The following EEIG2 variants were observed in gnomAD, a reference collection of about 807,000 sequenced individuals.
EEIG2 encodes family with sequence similarity 102 member B.
At chr1:108,601,077 G>A in the EEIG2 span, among the ~76,000 whole-genome samples, 1 of 152,028 alleles carries the variant, frequency 6.6e-6, no homozygotes, top group Admixed American at 6.6e-5. Flanking sequence ...AGGAAAACCA[G>A]GGCTCAGAGA....
the EEIG2 span, among the ~76,000 whole-genome samples, chr1:108,564,675 CT>C: frequency 6.6e-6 from 1 of 152,146 alleles, no homozygotes; most frequent in Non-Finnish European, 1.5e-5. Context: ...GGCATAGTGG[CT>C]CATGCCTGTA....
At chr1:108,614,718 TCTC>T in the EEIG2 span, among the ~76,000 whole-genome samples, 6 of 152,122 alleles carry the variant, frequency 3.9e-5, no homozygotes, top group African/African-American at 1.2e-4. Context: ...TATCCCCTCT[TCTC>T]ATCATCTCTA....
At chr1:108,615,611 C>CAA in the EEIG2 span, among the ~76,000 whole-genome samples, 16 of 144,176 alleles carry the variant, frequency 1.1e-4, no homozygotes, top group African/African-American at 7.6e-5. Context: ...CTCATTTCTG[C>CAA]AAAAAAAAAA....
the EEIG2 span, among the ~76,000 whole-genome samples, chr1:108,613,465 C>T: frequency 6.6e-6 from 1 of 152,160 alleles, no homozygotes; most frequent in Admixed American, 6.5e-5. Flanking sequence ...GATAATTCTT[C>T]TCAGAATGAC....
the EEIG2 span, among the ~76,000 whole-genome samples, chr1:108,585,479 C>A: frequency 6.6e-6 from 1 of 152,086 alleles, no homozygotes; most frequent in East Asian, 1.9e-4. Context: ...AACATGAAAT[C>A]TGTTTACACT....
chr1:108,632,111 CAAAAAAAAAAAAA>C, the EEIG2 span, among the ~76,000 whole-genome samples: 1 of 65,390 alleles, frequency 1.5e-5, no homozygotes, highest in East Asian at 4.8e-4. Flanking sequence ...GAGACTGTCT[CAAAAAAAAAAAAA>C]AAAAAAAAAA....
chr1:108,587,094 T>G, the EEIG2 span, among the ~76,000 whole-genome samples: 1 of 152,186 alleles, frequency 6.6e-6, no homozygotes, highest in Admixed American at 6.6e-5. Context: ...GAGTTATCTT[T>G]CTTTCTCCTT....
the EEIG2 span, among the ~76,000 whole-genome samples, chr1:108,566,205 G>C: frequency 6.6e-6 from 1 of 151,898 alleles, no homozygotes; most frequent in Non-Finnish European, 1.5e-5. Context: ...CTTTTGAAAG[G>C]CTTTCTCCTT....
At chr1:108,560,367 C>T in the EEIG2 span, 4 of 1,428,008 alleles carry the variant, frequency 2.8e-6, no homozygotes, top group Admixed American at 2.3e-5. Context: ...ATCCGGGGCT[C>T]GGCCAAGCTG....
At chr1:108,579,407 G>A in the EEIG2 span, among the ~76,000 whole-genome samples, 14 of 145,742 alleles carry the variant, frequency 9.6e-5, no homozygotes, top group African/African-American at 3.6e-4. Context: ...AAATATATAT[G>A]CACCCAATAC....
At chr1:108,626,687 T>G in the EEIG2 span, 1 of 152,228 alleles carries the variant, frequency 6.6e-6, no homozygotes, top group Non-Finnish European at 1.5e-5. Flanking sequence ...ACTGTTTTCT[T>G]CTTTAAACTC....
At chr1:108,632,899 A>C in the EEIG2 span, among the ~76,000 whole-genome samples, 2 of 151,028 alleles carry the variant, frequency 1.3e-5, no homozygotes, top group Non-Finnish European at 2.9e-5. Context: ...CCCCGGGCTC[A>C]GCCTGCTGAG....
the EEIG2 span, among the ~76,000 whole-genome samples, chr1:108,617,361 G>A: frequency 6.6e-6 from 1 of 152,176 alleles, no homozygotes; most frequent in Non-Finnish European, 1.5e-5. Context: ...ATAAAAGGCT[G>A]TTTTCAGTAA....
the EEIG2 span, among the ~76,000 whole-genome samples, chr1:108,598,885 T>C: frequency 2.6e-5 from 4 of 152,204 alleles, no homozygotes; most frequent in South Asian, 8.3e-4. Flanking sequence ...CCTAGCACTT[T>C]GGGAGGCTGA....
chr1:108,603,632 C>T, the EEIG2 span, among the ~76,000 whole-genome samples: 10 of 152,258 alleles, frequency 6.6e-5, no homozygotes, highest in South Asian at 1.0e-3. Context: ...GACATGACTA[C>T]ATGACCAAAA....
chr1:108,574,576 C>G, the EEIG2 span, among the ~76,000 whole-genome samples: 3 of 152,126 alleles, frequency 2.0e-5, no homozygotes, highest in East Asian at 3.8e-4. Flanking sequence ...CATGGTGAAA[C>G]CCCGTGTTTA....
At chr1:108,612,286 A>G in the EEIG2 span, 2 of 1,598,696 alleles carry the variant, frequency 1.3e-6, no homozygotes. Flanking sequence ...GGATAATTCC[A>G]TTCTTAAAGT....
At chr1:108,570,404 G>A in the EEIG2 span, among the ~76,000 whole-genome samples, 8 of 152,172 alleles carry the variant, frequency 5.3e-5, no homozygotes, top group African/African-American at 1.7e-4. Context: ...CAAAAGCAGG[G>A]AGTGATATGC....
At chr1:108,587,825 T>C in the EEIG2 span, among the ~76,000 whole-genome samples, 1 of 152,156 alleles carries the variant, frequency 6.6e-6, no homozygotes, top group South Asian at 2.1e-4. Context: ...ACTTCATTTT[T>C]ATTGTGTCCT....
Sources: allele counts gnomAD v4.1 joint callset (sites outside exome capture counted in the v4.1 genomes callset), GRCh38; gene constraint gnomAD v4.1.1; transcripts MANE v1.5; gene names NCBI Gene and HGNC (gene_info 2026-07-23, HGNC 2026-07-21).